Variants in SRGAP3 observed in about 807,000 individuals in gnomAD.
SRGAP3 encodes SLIT-ROBO Rho GTPase activating protein 3.
SRGAP3 carries 39 observed loss-of-function variants against 121.1 expected under a neutral mutation model. The observed-to-expected ratio is 0.32, with a 90% CI of 0.25 to 0.42. The LOEUF (loss-of-function observed/expected upper bound fraction) is 0.42. Ranked by LOEUF, SRGAP3 falls within the 10% of genes least tolerant of loss-of-function variation. The probability of loss-of-function intolerance (pLI) is 1.00; values close to 1 mark genes in which losing one functional copy is unlikely to be tolerated. For synonymous variants in SRGAP3, 601 were observed against 570.0 expected (o/e 1.05, Z -0.77); for missense variants, 1,213 against 1,470.6 (o/e 0.82, Z 2.86).
intron 10 of SRGAP3, among the ~76,000 whole-genome samples, chr3:9,039,656 G>A (rs966864655): frequency 1.3e-5 from 2 of 151,508 alleles, no homozygotes; most frequent in African/African-American, 4.8e-5. Flanking sequence ...TCCTGCCTCC[G>A]GCCCCTGGCA....
At position 9,120,801 on chromosome 3, in the gene SRGAP3, TG is replaced by T. The variant is rs530109068; in HGVS notation, c.260+3923del. 2.5e-4 allele frequency among the ~76,000 whole-genome samples: 38 copies of T among 152,382 alleles called. No homozygotes were observed. The South Asian group carries it at 7.5e-3, about 30-fold the overall frequency. ...AAATATGATGATATTTTTCTCTAAATGTTAACCTGTCCCAGGGAAACCTTCA... is the reference window on the plus strand; with the variant it reads ...AAATATGATGATATTTTTCTCTAAATTTAACCTGTCCCAGGGAAACCTTCA... On this transcript the variant is annotated intron_variant, in intron 2 of 21. Transcript: ENST00000383836.
In SRGAP3 at chr3:8,985,242, GTATT is replaced by G; in HGVS notation, c.*273_*276del. ...GACGATATGCGGGAGAAGCCATGTG[GTATT>G]TTGCCTCCATGTTAGGGAATGCTGT... is the stretch of plus-strand genomic sequence containing the variant. On this transcript the variant is annotated 3_prime_UTR_variant, in exon 22 of 22. Coordinates refer to ENST00000383836, the MANE Select transcript of SRGAP3 (RefSeq NM_014850.4). The surrounding 1 kb of genome is among the most constrained non-coding windows in gnomAD (Gnocchi z 5.1). The G allele has an allele frequency of 1.8e-5, 10 of 550,684 alleles. No homozygotes were observed. The highest frequency in any genetic ancestry group is 2.3e-5 in the South Asian group (1 of 43,800). The allele number at this position is 550,684 out of a possible 1,614,324, so 34.1% of individuals were successfully genotyped here. A position where few individuals can be genotyped will look rare whatever the true frequency, so the allele number is the denominator to read the frequency against.
At chr3:9,202,611 C>T (rs1313001983) in intron 1 of SRGAP3, among the ~76,000 whole-genome samples, 2 of 152,036 alleles carry the variant, frequency 1.3e-5, no homozygotes, top group Admixed American at 1.3e-4. Context: ...CTGCCTGCCC[C>T]ACCCTCGAGC....
chr3:9,060,965 C>T lies in SRGAP3; in HGVS notation c.673-606G>A, dbSNP rs1416633151. ...TGTAAATAAGATCCCTGGCCAGGAG[C>T]GTTGGCCTGTAATCCCAACACTTTG... On this transcript the variant is annotated intron_variant, in intron 5 of 21. Transcript: ENST00000383836. Among the ~76,000 whole-genome samples, 3 of 152,172 alleles carry T rather than the reference C, an allele frequency of 2.0e-5. No homozygotes were observed. The East Asian group carries it at 5.8e-4, about 29-fold the overall frequency.
At chr3:9,010,504 C>T (rs1943309079) in intron 17 of SRGAP3, 117 bp from the exon 18 acceptor site, 1 of 1,008,618 alleles carries the variant, frequency 9.9e-7, no homozygotes, top group Non-Finnish European at 1.6e-6. Context: ...CAGATGCAGG[C>T]CTATACCATC....
intron 2 of SRGAP3, among the ~76,000 whole-genome samples, chr3:9,326,652 A>G (rs992082742): frequency 2.0e-5 from 3 of 151,784 alleles, no homozygotes; most frequent in Non-Finnish European, 4.4e-5. Context: ...AGCAGTGATA[A>G]CTACTGAGTT....
At chr3:9,051,017 CTTTTTT>C (rs71049766) in intron 9 of SRGAP3, among the ~76,000 whole-genome samples, 1 of 81,854 alleles carries the variant, frequency 1.2e-5, no homozygotes, top group Admixed American at 1.8e-4. Flanking sequence ...AGCCTCATTG[CTTTTTT>C]TTTTTTTTTT....
intron 15 of SRGAP3, chr3:9,014,335 C>T (rs1307010006): frequency 1.0e-5 from 2 of 191,130 alleles, no homozygotes; most frequent in Admixed American, 5.2e-5. Flanking sequence ...TGAGTCCTGA[C>T]AGACACAGGC....
rs113706787 is a variant in SRGAP3 at position 9,006,609 on chromosome 3, C to T, written c.2227+3699G>A. Among the ~76,000 whole-genome samples, 1,168 of 152,198 alleles carry T rather than the reference C, an allele frequency of 7.7e-3. 20 individuals are homozygous for T. The highest frequency in any genetic ancestry group is 0.027 in the African/African-American group (1,122 of 41,504). On this transcript the variant is annotated intron_variant, in intron 18 of 21. Coordinates refer to ENST00000383836, the MANE Select transcript of SRGAP3 (RefSeq NM_014850.4). ...AATACCATTTATATGAAATTGTAAA[C>T]AGACCAACAGGGGGAGGAGTCAAAG...
chr3:9,032,959 G>A (rs1353899753), intron 11 of SRGAP3, among the ~76,000 whole-genome samples: 2 of 152,050 alleles, frequency 1.3e-5, no homozygotes, highest in Non-Finnish European at 2.9e-5. Flanking sequence ...ATGCCAAGCA[G>A]GAGCAACTCT....
chr3:9,148,720 T>C (rs112452304), intron 1 of SRGAP3, among the ~76,000 whole-genome samples: 33 of 152,330 alleles, frequency 2.2e-4, no homozygotes, highest in African/African-American at 7.7e-4. Context: ...CCTCATCTCA[T>C]AGTCCATCCT....
chr3:9,343,839 T>C (rs1039252151), intron 1 of SRGAP3, among the ~76,000 whole-genome samples: 9 of 152,166 alleles, frequency 5.9e-5, no homozygotes, highest in Non-Finnish European at 1.3e-4. Context: ...CAGCTAATTT[T>C]TGTATTTTTT....
At chr3:9,235,066 C>T (rs2125227094) in intron 1 of SRGAP3, among the ~76,000 whole-genome samples, 1 of 152,278 alleles carries the variant, frequency 6.6e-6, no homozygotes, top group African/African-American at 2.4e-5. Context: ...ATCACAAAGA[C>T]CTGAGACAGA....
intron 1 of SRGAP3, among the ~76,000 whole-genome samples, chr3:9,335,246 T>G (rs887416396): frequency 4.6e-5 from 7 of 152,232 alleles, no homozygotes; most frequent in African/African-American, 1.4e-4. Context: ...TTGTTGCTAA[T>G]GTTGAATGTT....
intron 4 of SRGAP3, among the ~76,000 whole-genome samples, chr3:9,070,374 G>A (rs1946643254): frequency 6.6e-6 from 1 of 152,234 alleles, no homozygotes. Flanking sequence ...TGAAACCCTA[G>A]GCCAGTGCAT....
intron 7 of SRGAP3, among the ~76,000 whole-genome samples, chr3:9,057,393 G>T (rs768173491): frequency 6.6e-6 from 1 of 152,258 alleles, no homozygotes; most frequent in Non-Finnish European, 1.5e-5. Flanking sequence ...GTCACCAGTG[G>T]TCACCATGAG....
chr3:9,173,625 C>A (rs1238803260), intron 1 of SRGAP3, among the ~76,000 whole-genome samples: 1 of 152,072 alleles, frequency 6.6e-6, no homozygotes, highest in African/African-American at 2.4e-5. Context: ...ATCCCTCCAA[C>A]GGGCAACTCT....
chr3:9,004,575 T>A (rs928684599), intron 18 of SRGAP3, among the ~76,000 whole-genome samples: 3 of 152,184 alleles, frequency 2.0e-5, no homozygotes, highest in African/African-American at 7.2e-5. Flanking sequence ...GATAGACATA[T>A]TGGTCAGTGG....
At chr3:9,056,653 A>G (rs1426651072) in intron 7 of SRGAP3, among the ~76,000 whole-genome samples, 1 of 152,248 alleles carries the variant, frequency 6.6e-6, no homozygotes, top group Non-Finnish European at 1.5e-5. Flanking sequence ...CTAACTGGTT[A>G]ATTTCAAGGC....
Sources: gnomAD v4.1 joint callset for allele counts (sites outside exome capture counted in the v4.1 genomes callset) on GRCh38, gnomAD v4.1.1 for gene constraint, Gnocchi (gnomAD v3.1) non-coding constraint, MANE v1.5 for transcripts, NCBI Gene and HGNC (gene_info 2026-07-23, HGNC 2026-07-21) for gene names.